Variants in OPLAH observed in about 807,000 individuals in gnomAD.
OPLAH encodes 5-oxoprolinase, ATP-hydrolysing.
In OPLAH, 103 loss-of-function variants were observed where a neutral mutation model predicts 122.8. That is an observed-to-expected ratio of 0.84 (90% CI 0.71 to 0.99). The LOEUF (loss-of-function observed/expected upper bound fraction) is 0.99. Ranked by LOEUF, OPLAH falls within the 50% of genes least tolerant of loss-of-function variation. The pLI is 0.00. For missense variants in OPLAH, 1,902 were observed against 1,836.5 expected (o/e 1.04, Z -0.65); for synonymous variants, 875 against 796.0 (o/e 1.10, Z -1.67).
chr8:144,054,097 G>A (rs1363680331), intron 19 of OPLAH, among the ~76,000 whole-genome samples: 6 of 150,172 alleles, frequency 4.0e-5, no homozygotes, highest in South Asian at 2.1e-4. Flanking sequence ...CTCTCTGCAC[G>A]TGGGCACAGT....
At chr8:144,059,130 G>C (rs1835606645) in intron 3 of OPLAH, 51 bp from the exon 4 acceptor site, 1 of 1,434,126 alleles carries the variant, frequency 7.0e-7, no homozygotes, top group African/African-American at 1.4e-5. Context: ...GGTCCAGGCC[G>C]GGGTCCTGTG....
intron 17 of OPLAH, 55 bp downstream of exon 17, chr8:144,054,974 G>GA: frequency 9.2e-7 from 1 of 1,081,786 alleles, no homozygotes; most frequent in Non-Finnish European, 1.3e-6. Flanking sequence ...GCGGGGTGGG[G>GA]GGGGGGTGGA....
intron 15 of OPLAH, 83 bp downstream of exon 15, chr8:144,056,064 C>A: frequency 6.6e-7 from 1 of 1,525,430 alleles, no homozygotes; most frequent in Non-Finnish European, 8.9e-7. Flanking sequence ...CAGGCCCCTG[C>A]AGCCTTGGGC....
Position 144,051,930 on chromosome 8 carries a change from G to T in OPLAH, c.3608C>A (p.Pro1203Gln). Residue 1203 changes from proline (P) to glutamine (Q), a missense_variant, in exon 25 of 27, where the codon CCA becomes CAA. By Grantham distance (76) the Pro-to-Gln change is moderately conservative. Coordinates refer to ENST00000618853, the MANE Select transcript of OPLAH (RefSeq NM_017570.5). ...GAACCGCGCACCGTGGAGCCCGTAT[G>T]GCCGGAAGGCGCGGCGCTCGGTCAG... ...SVLTERRAFR[P>Q]YGLHGGEPGA... 2.0e-6 allele frequency: 3 copies of T among 1,538,282 alleles called. No individual in the cohort carries two copies. The highest frequency in any genetic ancestry group is 2.6e-6 in the Non-Finnish European group (3 of 1,149,254).
At position 144,058,501 on chromosome 8, in the gene OPLAH, G is replaced by A. The variant is rs953674291; in HGVS notation, c.778C>T (p.Leu260Phe). 1.3e-6 allele frequency: 2 copies of A among 1,580,568 alleles called. No homozygotes were observed. The highest frequency in any genetic ancestry group is 1.3e-5 in the African/African-American group (1 of 74,712). Reference sequence around the variant, plus strand: ...GGGGTGCCTCACAGCCTCACCTTGAGTTGGCCCTGGAAGCCACGGCAGAAG... The same window carrying A: ...GGGGTGCCTCACAGCCTCACCTTGAATTGGCCCTGGAAGCCACGGCAGAAG... ...QGFCRGFQGQLKDVQVLFMRS... is the reference protein window; with the variant it reads ...QGFCRGFQGQFKDVQVLFMRS... The change falls in exon 6 of 27, where the codon CTC (leucine) becomes TTC (phenylalanine). Residue 260 changes from leucine (L) to phenylalanine (F), a missense_variant. Transcript: ENST00000618853.
upstream of OPLAH, among the ~76,000 whole-genome samples, chr8:144,062,901 C>T (rs1202893613): frequency 3.3e-5 from 5 of 151,914 alleles, no homozygotes; most frequent in East Asian, 9.7e-4. Flanking sequence ...CCACCTCCGC[C>T]TGCCTCCTGG....
In OPLAH at chr8:144,051,846, G is replaced by A; in HGVS notation, c.3623-20C>T. 9.0e-7 allele frequency: 1 copy of A among 1,109,252 alleles called. No homozygotes were observed. The highest frequency in any genetic ancestry group is 1.2e-6 in the Non-Finnish European group (1 of 826,722). The allele number at this position is 1,109,252 out of a possible 1,614,324, so 68.7% of individuals were successfully genotyped here. ...CGCCCCCTGCGGAGGGAGGCGAGGA[G>A]TCCAGAGAGACCAGGGGCGGGGGTG... On this transcript the variant is annotated intron_variant, in intron 25 of 26. Coordinates refer to ENST00000618853, the MANE Select transcript of OPLAH (RefSeq NM_017570.5).
chr8:144,056,951 G>T lies in OPLAH; in HGVS notation c.1703C>A (p.Pro568His). 6.4e-7 allele frequency: 1 copy of T among 1,571,990 alleles called. No homozygotes were observed. Among genetic ancestry groups the T allele is most frequent in the Non-Finnish European group, 8.6e-7 (1 of 1,162,018 alleles). ...CVDALQAQGF[P>H]RSQISTESFL... ...CCAGGGCACCCTGGGAGCCCACCTGGGGAAGCCCTGGGCCTGCAGAGCATC... is the reference window on the plus strand; with the variant it reads ...CCAGGGCACCCTGGGAGCCCACCTGTGGAAGCCCTGGGCCTGCAGAGCATC... Residue 568 changes from proline (P) to histidine (H), a missense_variant, in exon 12 of 27, where the codon CCC becomes CAC. Physicochemically the swap from Pro to His is moderately conservative, Grantham distance 77. Transcript: ENST00000618853.
At chr8:144,051,621 G>A (rs1410731609) in intron 26 of OPLAH, 108 bp downstream of exon 26, 5 of 1,187,138 alleles carry the variant, frequency 4.2e-6, no homozygotes, top group Non-Finnish European at 5.8e-6. Flanking sequence ...TCCTTCCGGG[G>A]CCAAATTAAA....
chr8:144,053,026 T>G lies in OPLAH; in HGVS notation c.2975A>C (p.Asp992Ala), dbSNP rs1835426158. The change falls in exon 21 of 27, where the codon GAC becomes GCC. Residue 992 changes from aspartate (D) to alanine (A), a missense_variant. Around this residue, in one of 3 missense-constraint regions of OPLAH, gnomAD observed 1,726 missense variants for 1,642.1 expected, o/e 1.05. Coordinates refer to ENST00000618853, the MANE Select transcript of OPLAH (RefSeq NM_017570.5). ...LEVSSEDHMD[D>A]GSPIRLRVQI... ...CACACGGAGGCGGATGGGGGAACCGTCGTCCATGTGGTCTTCCGAGGACAC... is the reference window on the plus strand; with the variant it reads ...CACACGGAGGCGGATGGGGGAACCGGCGTCCATGTGGTCTTCCGAGGACAC... 1.2e-6 allele frequency: 2 copies of G among 1,603,266 alleles called. No homozygotes were observed. The highest frequency in any genetic ancestry group is 2.7e-5 in the African/African-American group (2 of 74,664).
At chr8:144,063,013 C>G (rs1373760857), upstream of OPLAH, among the ~76,000 whole-genome samples, 1 of 152,128 alleles carries the variant, frequency 6.6e-6, no homozygotes, top group Non-Finnish European at 1.5e-5. The surrounding 1 kb of genome is among the most constrained non-coding windows in gnomAD (Gnocchi z 4.2). Flanking sequence ...CCACCTGCCT[C>G]CTACCCCACT....
At position 144,055,165 on chromosome 8, in the gene OPLAH, C is replaced by T. The variant is rs200773486; in HGVS notation, c.2273G>A (p.Arg758His). The change falls in exon 17 of 27, where the codon CGC becomes CAC. Residue 758 changes from arginine (R) to histidine (H), a missense_variant. Physicochemically the swap from Arg to His is conservative, Grantham distance 29. Coordinates refer to ENST00000618853, the MANE Select transcript of OPLAH (RefSeq NM_017570.5). This position sits in a 1 kb window ranked among gnomAD's most constrained non-coding sequence, Gnocchi z 6.5. The part of the protein sequence containing the change: ...IAEQMGRILQ[R>H]TAISTNIKER... ...CTTGATGTTGGTGGAGATGGCTGTG[C>T]GCTGCAGGATGCGGCCCATCTGCTC... 1.0e-4 allele frequency: 158 copies of T among 1,559,918 alleles called. 1 individual carries two copies. The highest frequency in any genetic ancestry group is 4.7e-4 in the South Asian group (39 of 82,380).
chr8:144,051,119 G>A (rs1372819892), downstream of OPLAH: 2 of 1,383,194 alleles, frequency 1.4e-6, no homozygotes, highest in South Asian at 1.6e-5. Context: ...CCCAGGAGGT[G>A]GAGCAGGTGA....
rs782302289 is a variant in OPLAH at position 144,052,152 on chromosome 8, C to T, written c.3461+17G>A. On this transcript the variant is annotated intron_variant, in intron 24 of 26. Transcript: ENST00000618853. ...TCCCACCCGGCCGTGCCCCCAGCCT[C>T]CGCGCACGCCGCTCACCGGCTCTCC... 3 of 1,556,420 alleles carry T rather than the reference C, an allele frequency of 1.9e-6. No homozygotes were observed. Among genetic ancestry groups the T allele is most frequent in the Middle Eastern group, 1.7e-4 (1 of 5,890 alleles).
At position 144,054,685 on chromosome 8, in the gene OPLAH, C is replaced by A. The variant is rs782592990; in HGVS notation, c.2562G>T (p.Gly854=). The A allele has an allele frequency of 6.2e-7, 1 of 1,612,464 alleles. No homozygotes were observed. Among genetic ancestry groups the A allele is most frequent in the Admixed American group, 1.7e-5 (1 of 59,994 alleles). Residue 854 remains glycine (G), a synonymous_variant, in exon 19 of 27, where the codon GGG becomes GGT. Coordinates refer to ENST00000618853, the MANE Select transcript of OPLAH (RefSeq NM_017570.5). ...TRPVFYVASR[G]HHADIGGITP... is the part of the protein sequence containing the mutation. ...TGATGCCCCCGATGTCTGCGTGGTG[C>A]CCTCGGCTGGCCACATAGAACACAG...
In OPLAH at chr8:144,060,080, G is replaced by A. The variant is rs782136126; in HGVS notation, c.-48C>T. The stretch of plus-strand genomic sequence containing the variant: ...AGGAGCTCTTCAGCTGGTAGCCCTG[G>A]AAAAACTGGACGGAGGCGGGGTCAG... On this transcript the variant is annotated 5_prime_UTR_variant, in exon 2 of 27. Coordinates refer to ENST00000618853, the MANE Select transcript of OPLAH (RefSeq NM_017570.5). 3.8e-6 allele frequency: 6 copies of A among 1,578,304 alleles called. No individual in the cohort carries two copies. Among genetic ancestry groups the A allele is most frequent in the Non-Finnish European group, 4.3e-6 (5 of 1,161,832 alleles).
Position 144,057,863 on chromosome 8 carries a change from G to T in OPLAH, c.1149C>A (p.Tyr383Ter). The T allele has an allele frequency of 1.2e-6, 2 of 1,611,384 alleles. No homozygotes were observed. The highest frequency in any genetic ancestry group is 1.7e-6 in the Non-Finnish European group (2 of 1,179,298). The part of the protein sequence containing the change: ...SAGAHPGPAC[Y>*]RKGGPVTVTD... ...CCAGATCCTGACTCTTACCTTTGCG[G>T]TAGCAGGCGGGTCCTGGGTGGGCTC... Residue 383 changes from tyrosine to a stop codon, truncating the protein, a stop_gained, in exon 9 of 27, where the codon TAC becomes TAA. Coordinates refer to ENST00000618853, the MANE Select transcript of OPLAH (RefSeq NM_017570.5). LOFTEE classifies it high-confidence loss of function.
chr8:144,055,323 C>G lies in OPLAH; in HGVS notation c.2249-134G>C. On this transcript the variant is annotated intron_variant, in intron 16 of 26. Transcript: ENST00000618853. The surrounding 1 kb of genome is among the most constrained non-coding windows in gnomAD (Gnocchi z 6.5). Reference sequence around the variant, plus strand: ...CCCAGCAGCTTTTTCCTGGGGAAGACCAAGTTGACGGTGTGCCCACTTGGC... The same window carrying G: ...CCCAGCAGCTTTTTCCTGGGGAAGAGCAAGTTGACGGTGTGCCCACTTGGC... 3.2e-6 allele frequency: 3 copies of G among 949,846 alleles called. No individual in the cohort carries two copies. Among genetic ancestry groups the G allele is most frequent in the Non-Finnish European group, 4.4e-6 (3 of 686,950 alleles). 58.8% of individuals were successfully genotyped at this position (949,846 alleles called of 1,614,324 possible). A position where few individuals can be genotyped will look rare whatever the true frequency, so the allele number is the denominator to read the frequency against.
chr8:144,051,662 C>G lies in OPLAH; in HGVS notation c.3720+67G>C, dbSNP rs374284340. On this transcript the variant is annotated intron_variant, in intron 26 of 26. Coordinates refer to ENST00000618853, the MANE Select transcript of OPLAH (RefSeq NM_017570.5). ...CCTCTGGTCAGGTCTGCAACTGTTC[C>G]CCCTCTGTGGGATGGGGCCGGGAGG... The G allele has an allele frequency of 2.3e-5, 32 of 1,364,818 alleles. 1 individual carries two copies. The Middle Eastern group carries it at 9.7e-4, about 42-fold the overall frequency. The allele number at this position is 1,364,818 out of a possible 1,614,324, so 84.5% of individuals were successfully genotyped here. A position where few individuals can be genotyped will look rare whatever the true frequency, so the allele number is the denominator to read the frequency against.
Sources: allele counts gnomAD v4.1 joint callset (sites outside exome capture counted in the v4.1 genomes callset), GRCh38; gene constraint gnomAD v4.1.1; regional missense constraint gnomAD v4.1.1; non-coding constraint Gnocchi (gnomAD v3.1); transcripts MANE v1.5; gene names NCBI Gene and HGNC (gene_info 2026-07-23, HGNC 2026-07-21).